The following HCN1 variants were observed in gnomAD, a reference collection of about 807,000 sequenced individuals.
HCN1 encodes the protein potassium/sodium hyperpolarization-activated cyclic nucleotide-gated channel 1.
A neutral mutation model predicts 78.9 loss-of-function variants in HCN1; 13 were observed. The observed-to-expected ratio is 0.16, with a 90% CI of 0.11 to 0.26. HCN1 has a LOEUF of 0.26. Among genes scored for constraint, HCN1 ranks in the 10% least tolerant of loss-of-function variants. HCN1 has a pLI of 1.00. For synonymous variants in HCN1, 552 were observed against 455.5 expected (o/e 1.21, Z -2.70); for missense variants, 810 against 1,154.3 (o/e 0.70, Z 4.32).
chr5:45,610,560 T>G (rs1579997885), intron 2 of HCN1, among the ~76,000 whole-genome samples: 1 of 149,466 alleles, frequency 6.7e-6, no homozygotes, highest in African/African-American at 2.4e-5. Flanking sequence ...AAATATAAAG[T>G]ATATATGTAT....
chr5:45,277,635 A>G (rs1745090857), intron 6 of HCN1, among the ~76,000 whole-genome samples: 1 of 152,164 alleles, frequency 6.6e-6, no homozygotes, highest in Non-Finnish European at 1.5e-5. Context: ...TGAAAGCAGT[A>G]TTTGTGTGTG....
chr5:45,304,923 T>A (rs758750603), intron 5 of HCN1, among the ~76,000 whole-genome samples: 4 of 152,094 alleles, frequency 2.6e-5, no homozygotes, highest in Non-Finnish European at 5.9e-5. Context: ...TGGATGAAAA[T>A]AGAAATATGG....
At chr5:45,373,021 A>T (rs1479609222) in intron 4 of HCN1, among the ~76,000 whole-genome samples, 1 of 137,736 alleles carries the variant, frequency 7.3e-6, no homozygotes. Context: ...AAATATATAT[A>T]TTTTACATAT....
In HCN1 at chr5:45,637,497, T is replaced by A. The variant is rs1031619838; in HGVS notation, c.849+7688A>T. On this transcript the variant is annotated intron_variant, in intron 2 of 7. Transcript: ENST00000303230. ...TGATATCTGCCCTTTTGGAATCTAA[T>A]ATGTAATTGTAAAGGCACAGATTTA... 4.6e-5 allele frequency among the ~76,000 whole-genome samples: 7 copies of A among 151,458 alleles called. No homozygotes were observed. In the Admixed American group the frequency reaches 4.6e-4, roughly 10 times the overall value.
chr5:45,686,439 T>C (rs140852022), intron 1 of HCN1, among the ~76,000 whole-genome samples: 9 of 152,346 alleles, frequency 5.9e-5, no homozygotes, highest in Non-Finnish European at 1.2e-4. Flanking sequence ...CACAAGGACT[T>C]AGCTTTCTGA....
chr5:45,373,768 CTATAA>C (rs1225842748), intron 4 of HCN1, among the ~76,000 whole-genome samples: 1 of 114,722 alleles, frequency 8.7e-6, no homozygotes, highest in Non-Finnish European at 1.7e-5. Flanking sequence ...TATACGTCAT[CTATAA>C]TATATTACAT....
In HCN1 at chr5:45,333,852, C is replaced by A. The variant is rs1325756759; in HGVS notation, c.1377+19248G>T. Among the ~76,000 whole-genome samples, 7 of 151,822 alleles carry A rather than the reference C, an allele frequency of 4.6e-5. No homozygotes were observed. In the East Asian group the frequency reaches 1.4e-3, roughly 30 times the overall value. ...TCCCACCAAACGTGTACAAGGGTTC[C>A]CTTTTCTCTACATCCTTGCCATCAT... On this transcript the variant is annotated intron_variant, in intron 5 of 7. Transcript: ENST00000303230.
At chr5:45,690,587 C>A (rs749729055) in intron 1 of HCN1, among the ~76,000 whole-genome samples, 2 of 151,546 alleles carry the variant, frequency 1.3e-5, no homozygotes, top group African/African-American at 4.8e-5. Context: ...TTTTTTTTTC[C>A]TGTAAAACTA....
intron 3 of HCN1, among the ~76,000 whole-genome samples, chr5:45,444,474 GCAGTATTTCAA>G (rs1328012698): frequency 6.6e-6 from 1 of 152,044 alleles, no homozygotes; most frequent in Non-Finnish European, 1.5e-5. Flanking sequence ...GTTAAAATGA[GCAGTATTTCAA>G]TTATGTCGTA....
At chr5:45,410,527 C>T (rs1464502936) in intron 3 of HCN1, among the ~76,000 whole-genome samples, 1 of 152,004 alleles carries the variant, frequency 6.6e-6, no homozygotes, top group African/African-American at 2.4e-5. Flanking sequence ...TACTCCCTTA[C>T]TTTATTAAAA....
intron 4 of HCN1, among the ~76,000 whole-genome samples, chr5:45,357,828 C>T (rs188969367): frequency 2.5e-4 from 38 of 152,086 alleles, no homozygotes; most frequent in South Asian, 2.1e-4. Flanking sequence ...GGAAAGTGTT[C>T]GGGTCATAGG....
intron 3 of HCN1, among the ~76,000 whole-genome samples, chr5:45,449,456 C>A (rs550243796): frequency 1.3e-5 from 2 of 152,310 alleles, no homozygotes; most frequent in East Asian, 1.9e-4. Context: ...TTACTGTCAA[C>A]TAGGCATGCC....
At chr5:45,381,468 C>G (rs1747805640) in intron 4 of HCN1, among the ~76,000 whole-genome samples, 1 of 152,116 alleles carries the variant, frequency 6.6e-6, no homozygotes, top group Non-Finnish European at 1.5e-5. Flanking sequence ...AAAAAGCTCA[C>G]TTAAAGCTCT....
chr5:45,371,515 T>A (rs1310617308), intron 4 of HCN1, among the ~76,000 whole-genome samples: 1 of 151,780 alleles, frequency 6.6e-6, no homozygotes, highest in Non-Finnish European at 1.5e-5. Context: ...TCCCAGCACT[T>A]TGGGAAGCCG....
chr5:45,374,242 ATT>A (rs1491285587), intron 4 of HCN1, among the ~76,000 whole-genome samples: 1 of 120,326 alleles, frequency 8.3e-6, no homozygotes, highest in Non-Finnish European at 1.8e-5. Context: ...TAACATATAT[ATT>A]ATGTACATTA....
intron 2 of HCN1, among the ~76,000 whole-genome samples, chr5:45,518,068 C>G (rs939687651): frequency 1.3e-5 from 2 of 152,042 alleles, no homozygotes; most frequent in African/African-American, 4.8e-5. Flanking sequence ...TCACATTTAA[C>G]TGGCTCACAG....
rs148269470 is a variant in HCN1 at position 45,435,021 on chromosome 5, G to T, written c.1011+26825C>A. Among the ~76,000 whole-genome samples the T allele has an allele frequency of 3.2e-4, 48 of 152,092 alleles. 1 individual carries two copies. In the East Asian group the frequency reaches 7.1e-3, roughly 23 times the overall value. On this transcript the variant is annotated intron_variant, in intron 3 of 7. Coordinates refer to ENST00000303230, the MANE Select transcript of HCN1 (RefSeq NM_021072.4). ...TAAGACTAATTGAAGAGGGCACAAA[G>T]TCAAAGCTAATTAACAACATCCAAT...
intron 6 of HCN1, among the ~76,000 whole-genome samples, chr5:45,296,243 A>T (rs1745491419): frequency 6.6e-6 from 1 of 151,994 alleles, no homozygotes; most frequent in African/African-American, 2.4e-5. Context: ...AGGGCTATAA[A>T]ACACACCTCA....
At chr5:45,628,867 G>A (rs1745220099) in intron 2 of HCN1, among the ~76,000 whole-genome samples, 1 of 151,898 alleles carries the variant, frequency 6.6e-6, no homozygotes, top group Admixed American at 6.6e-5. Context: ...CAGCTATGAG[G>A]CTGAGGCAGG....
Sources: allele counts gnomAD v4.1 joint callset (sites outside exome capture counted in the v4.1 genomes callset), GRCh38; gene constraint gnomAD v4.1.1; transcripts MANE v1.5; gene names NCBI Gene and HGNC (gene_info 2026-07-23, HGNC 2026-07-21).